The following LARGE1 variants were observed in gnomAD, a reference collection of about 807,000 sequenced individuals.
The protein encoded by LARGE1 is LARGE xylosyl- and glucuronyltransferase 1, also known as xylosyl- and glucuronyltransferase LARGE1.
LARGE1 carries 43 observed loss-of-function variants against 87.6 expected under a neutral mutation model. That is an observed-to-expected ratio of 0.49 (90% confidence interval 0.38 to 0.63). The LOEUF (loss-of-function observed/expected upper bound fraction) is 0.63, where lower values mean the gene tolerates loss of function less well. LARGE1 is among the 30% of genes least tolerant of loss of function. LARGE1 has a pLI of 0.00. For missense variants in LARGE1, 802 were observed against 1,000.2 expected (o/e 0.80, Z 2.67); for synonymous variants, 434 against 394.6 (o/e 1.10, Z -1.18).
intron 1 of LARGE1, among the ~76,000 whole-genome samples, chr22:33,826,702 T>C (rs78899780): frequency 0.019 from 2,831 of 152,068 alleles, 80 homozygotes; most frequent in African/African-American, 0.064. Context: ...AATCCATGCT[T>C]CTCTCATCTC....
At chr22:33,101,421 T>C in the LARGE1 span, among the ~76,000 whole-genome samples, 1 of 152,194 alleles carries the variant, frequency 6.6e-6, no homozygotes, top group Non-Finnish European at 1.5e-5. Context: ...TTGTAAGTAA[T>C]GTATTCATGT....
chr22:33,691,767 C>T (rs2082106973), intron 2 of LARGE1, among the ~76,000 whole-genome samples: 1 of 152,194 alleles, frequency 6.6e-6, no homozygotes, highest in Non-Finnish European at 1.5e-5. Context: ...ATGGGTCTCA[C>T]AGGAAGACAA....
the LARGE1 span, among the ~76,000 whole-genome samples, chr22:33,146,393 C>T: frequency 6.6e-6 from 1 of 152,112 alleles, no homozygotes; most frequent in South Asian, 2.1e-4. Flanking sequence ...AGTTAAGATA[C>T]CTAATATGAT....
rs2080777968 is a variant in LARGE1 at position 33,650,802 on chromosome 22, G to C, written c.107-134C>G. 23 of 984,956 alleles carry C rather than the reference G, an allele frequency of 2.3e-5. No homozygotes were observed. The East Asian group carries it at 6.0e-4, about 26-fold the overall frequency. The allele number at this position is 984,956 out of a possible 1,614,324, so 61.0% of individuals were successfully genotyped here. Reference sequence around the variant, plus strand: ...CATGTTTAAGGAAAACAGATGGAAAGTGAGTTACAAATAAACGCATCCAGA... The same window carrying C: ...CATGTTTAAGGAAAACAGATGGAAACTGAGTTACAAATAAACGCATCCAGA... On this transcript the variant is annotated intron_variant, in intron 2 of 14. Coordinates refer to ENST00000397394, the MANE Select transcript of LARGE1 (RefSeq NM_133642.5).
chr22:33,331,787 T>C (rs1201688204), intron 10 of LARGE1, among the ~76,000 whole-genome samples: 1 of 152,126 alleles, frequency 6.6e-6, no homozygotes, highest in Non-Finnish European at 1.5e-5. Flanking sequence ...ATCATGCTTG[T>C]GTTGGCTCCT....
At chr22:33,240,916 C>T (rs1342061560) in intron 11 of LARGE1, among the ~76,000 whole-genome samples, 2 of 152,146 alleles carry the variant, frequency 1.3e-5, no homozygotes, top group African/African-American at 4.8e-5. Context: ...CTATTTCTTG[C>T]TTTGGTGCCT....
At chr22:33,780,342 G>A (rs138506660) in intron 1 of LARGE1, among the ~76,000 whole-genome samples, 110 of 152,240 alleles carry the variant, frequency 7.2e-4, no homozygotes, top group African/African-American at 2.5e-3. Context: ...CTGCACCATC[G>A]AGTAAAAGAC....
intron 9 of LARGE1, among the ~76,000 whole-genome samples, chr22:33,347,654 CAT>C (rs770028292): frequency 5.9e-5 from 9 of 152,148 alleles, no homozygotes; most frequent in African/African-American, 9.7e-5. Context: ...GATTATGACA[CAT>C]GAGAGAAAAG....
At chr22:33,078,233 T>A in the LARGE1 span, among the ~76,000 whole-genome samples, 1 of 152,238 alleles carries the variant, frequency 6.6e-6, no homozygotes, top group African/African-American at 2.4e-5. Flanking sequence ...ACAGATAATT[T>A]GGTTTACACC....
chr22:33,541,054 C>CGG (rs57583473), intron 6 of LARGE1, among the ~76,000 whole-genome samples: 456 of 13,612 alleles, frequency 0.033, 61 homozygotes, highest in Non-Finnish European at 0.049. Context: ...TGGTGGGTTG[C>CGG]GGGGGGGGGG....
At chr22:33,527,851 G>C (rs1432058417) in intron 6 of LARGE1, among the ~76,000 whole-genome samples, 2 of 152,144 alleles carry the variant, frequency 1.3e-5, no homozygotes, top group South Asian at 2.1e-4. Flanking sequence ...TCTGCTCCTA[G>C]AGCAGGACTC....
chr22:33,444,976 C>T (rs1601867340), intron 6 of LARGE1, among the ~76,000 whole-genome samples: 2 of 152,136 alleles, frequency 1.3e-5, no homozygotes, highest in Non-Finnish European at 2.9e-5. Flanking sequence ...ATTACAGGCG[C>T]GTACCACCAT....
chr22:33,450,486 GCCCGTAGTC>G (rs2067867015), intron 6 of LARGE1, among the ~76,000 whole-genome samples: 1 of 151,124 alleles, frequency 6.6e-6, no homozygotes, highest in Non-Finnish European at 1.5e-5. Context: ...GGTGGCGGGT[GCCCGTAGTC>G]CCAGCTACCC....
the LARGE1 span, among the ~76,000 whole-genome samples, chr22:33,103,432 CAAAAAAAAAA>C: frequency 1.5e-4 from 5 of 33,802 alleles, no homozygotes; most frequent in Non-Finnish European, 2.2e-4. Flanking sequence ...GACTCTGTCT[CAAAAAAAAAA>C]AAAAAAAAAA....
intron 1 of LARGE1, among the ~76,000 whole-genome samples, chr22:33,867,100 G>A (rs973636777): frequency 3.3e-5 from 5 of 152,172 alleles, no homozygotes; most frequent in African/African-American, 1.2e-4. Context: ...ATGAGGGTGT[G>A]GGGAGGAGGC....
chr22:33,620,785 T>C (rs148841926), intron 4 of LARGE1, among the ~76,000 whole-genome samples: 2,467 of 152,016 alleles, frequency 0.016, 72 homozygotes, highest in African/African-American at 0.057. Flanking sequence ...GGCGTGGTGG[T>C]GCATGCCTAT....
chr22:33,917,517 G>GA (rs1569033501), intron 1 of LARGE1, among the ~76,000 whole-genome samples: 1 of 152,166 alleles, frequency 6.6e-6, no homozygotes, highest in African/African-American at 2.4e-5. Flanking sequence ...AAGTTTGATG[G>GA]AGTCCACTGC....
At chr22:33,187,752 A>G (rs1923554498) in intron 11 of LARGE1, among the ~76,000 whole-genome samples, 1 of 151,528 alleles carries the variant, frequency 6.6e-6, no homozygotes, top group East Asian at 1.9e-4. Flanking sequence ...TCCTGTCTCT[A>G]CGAAACAAAA....
At chr22:33,303,998 C>G (rs994446203) in intron 12 of LARGE1, among the ~76,000 whole-genome samples, 1 of 152,244 alleles carries the variant, frequency 6.6e-6, no homozygotes, top group African/African-American at 2.4e-5. Flanking sequence ...TTCGCTGGAC[C>G]AAGCTCTGCC....
Sources: gnomAD v4.1 joint callset for allele counts (sites outside exome capture counted in the v4.1 genomes callset) on GRCh38, gnomAD v4.1.1 for gene constraint, MANE v1.5 for transcripts, NCBI Gene and HGNC (gene_info 2026-07-23, HGNC 2026-07-21) for gene names.